SS18L2: variants seen among roughly 807,000 people sequenced by gnomAD.
The protein encoded by SS18L2 is SS18 like 2.
Under a neutral mutation model 10.3 loss-of-function variants are expected in SS18L2, and 8 were observed. The observed-to-expected ratio is 0.78, with a 90% CI of 0.46 to 1.41. The LOEUF (loss-of-function observed/expected upper bound fraction) is 1.41, where lower values mean the gene tolerates loss of function less well. Ranked by LOEUF, SS18L2 falls within the 40% of genes most tolerant of loss-of-function variation. SS18L2 has a pLI of 0.00. For missense variants in SS18L2, 100 were observed against 96.2 expected (o/e 1.04, Z -0.17); for synonymous variants, 41 against 34.6 (o/e 1.19, Z -0.65).
chr3:42,589,982 T>C (rs533281401), upstream of SS18L2, among the ~76,000 whole-genome samples: 82 of 152,318 alleles, frequency 5.4e-4, no homozygotes, highest in African/African-American at 1.9e-3. Context: ...GTGAGAGTTC[T>C]AAAGCCAGGC....
At chr3:42,585,360 G>A (rs1704576692) in intron 1 of SS18L2, among the ~76,000 whole-genome samples, 1 of 152,166 alleles carries the variant, frequency 6.6e-6, no homozygotes, top group African/African-American at 2.4e-5. Flanking sequence ...GTCAACTCCA[G>A]AGTCTTTCTC....
At chr3:42,586,034 C>T (rs1454332893), upstream of SS18L2, among the ~76,000 whole-genome samples, 1 of 152,172 alleles carries the variant, frequency 6.6e-6, no homozygotes, top group Non-Finnish European at 1.5e-5. Context: ...CAACTCCTCT[C>T]CTTCCAGCTA....
At chr3:42,591,324 G>A in intron 1 of SS18L2, 2 of 593,416 alleles carry the variant, frequency 3.4e-6, no homozygotes, top group African/African-American at 3.8e-5. Context: ...TCAGCCTCCT[G>A]AGTAGCTGGG....
Position 42,582,807 on chromosome 3 carries a change from A to G in SS18L2, c.-90+849A>G, listed in dbSNP as rs184627470. On this transcript the variant is annotated intron_variant, in intron 1 of 3. Coordinates refer to the SS18L2 transcript ENST00000447630. ...TTCAGATGGAGAGATTAGCATGTAT[A>G]TAAGAACTCTGTGGAAGGCAGCAGA... 1.1e-4 allele frequency among the ~76,000 whole-genome samples: 17 copies of G among 152,326 alleles called. No individual in the cohort carries two copies. In the East Asian group the frequency reaches 1.9e-3, roughly 17 times the overall value.
At chr3:42,590,761 T>TC, upstream of SS18L2, 1 of 905,144 alleles carries the variant, frequency 1.1e-6, no homozygotes, top group Non-Finnish European at 1.8e-6. Flanking sequence ...AGTATAGCTC[T>TC]TGCGCGTCCA....
chr3:42,586,957 C>T (rs114185497), upstream of SS18L2, among the ~76,000 whole-genome samples: 363 of 152,328 alleles, frequency 2.4e-3, 4 homozygotes, highest in Non-Finnish European at 3.8e-3. Flanking sequence ...TTCTCAGTTG[C>T]TTAACCCAGA....
At chr3:42,593,026 C>CACAACAATAAAAAAAATACAGTATA (rs1161706980) in intron 2 of SS18L2, among the ~76,000 whole-genome samples, 9 of 152,042 alleles carry the variant, frequency 5.9e-5, no homozygotes, top group African/African-American at 1.9e-4. Flanking sequence ...AAAATAGCAA[C>CACAACAATAAAAAAAATACAGTATA]ACAACAATAA....
chr3:42,593,481 G>A (rs1704928262), intron 2 of SS18L2, among the ~76,000 whole-genome samples: 1 of 152,102 alleles, frequency 6.6e-6, no homozygotes. Flanking sequence ...CAAATACTAT[G>A]CCATTTTTTA....
At chr3:42,589,453 A>G (rs1319936849), upstream of SS18L2, among the ~76,000 whole-genome samples, 1 of 152,062 alleles carries the variant, frequency 6.6e-6, no homozygotes, top group Non-Finnish European at 1.5e-5. Flanking sequence ...TCCCTCCTAA[A>G]TGAAGTGGCC....
intron 2 of SS18L2, among the ~76,000 whole-genome samples, chr3:42,591,951 C>T (rs767438710): frequency 1.3e-5 from 2 of 152,134 alleles, no homozygotes; most frequent in Non-Finnish European, 2.9e-5. Flanking sequence ...TCTTGGATCC[C>T]TGCCTCATCC....
upstream of SS18L2, among the ~76,000 whole-genome samples, chr3:42,586,251 A>G (rs1490024256): frequency 6.6e-6 from 1 of 152,030 alleles, no homozygotes; most frequent in Non-Finnish European, 1.5e-5. Flanking sequence ...GTTGAGACAG[A>G]GTCTCGCTCT....
intron 2 of SS18L2, among the ~76,000 whole-genome samples, chr3:42,593,869 G>A (rs1389252891): frequency 6.6e-6 from 1 of 152,204 alleles, no homozygotes; most frequent in Non-Finnish European, 1.5e-5. Context: ...AAGTAAGACA[G>A]AGAAAGCATC....
upstream of SS18L2, among the ~76,000 whole-genome samples, chr3:42,588,190 T>G (rs1704688352): frequency 6.6e-6 from 1 of 151,814 alleles, no homozygotes. Context: ...GATCATGAGG[T>G]CAGGAGTTCA....
upstream of SS18L2, among the ~76,000 whole-genome samples, chr3:42,587,146 C>T (rs574716314): frequency 5.9e-5 from 9 of 152,302 alleles, no homozygotes; most frequent in East Asian, 1.4e-3. Flanking sequence ...CTCATCTGGG[C>T]GTCTTCCCTA....
rs1217074934 is a variant in SS18L2, at chr3:42,596,664, A to C, written c.*2155A>C. Among the ~76,000 whole-genome samples, 2 of 152,234 alleles carry C rather than the reference A, an allele frequency of 1.3e-5. No homozygotes were observed. The highest frequency in any genetic ancestry group is 1.3e-4 in the Admixed American group (2 of 15,280). On this transcript the variant is annotated 3_prime_UTR_variant, in exon 3 of 3. Coordinates refer to ENST00000011691, the MANE Select transcript of SS18L2 (RefSeq NM_001370300.1). ...ATCACAGACCAAATTGCATACTTTT[A>C]TCTTCGAATCATCTAAAATATAATT... is the stretch of plus-strand genomic sequence containing the variant.
chr3:42,590,992 CG>C, intron 1 of SS18L2, 26 bp downstream of exon 1: 1 of 73,558 alleles, frequency 1.4e-5, no homozygotes, highest in Non-Finnish European at 2.2e-5. Flanking sequence ...GGCGGGCGGG[CG>C]GGCGGAGAGA....
At chr3:42,585,767 G>A (rs1478914244) in intron 1 of SS18L2, among the ~76,000 whole-genome samples, 1 of 152,160 alleles carries the variant, frequency 6.6e-6, no homozygotes, top group African/African-American at 2.4e-5. Context: ...GGCTCTAAGT[G>A]CTGCTGGACA....
chr3:42,585,425 G>A (rs1320888191), intron 1 of SS18L2, among the ~76,000 whole-genome samples: 1 of 152,182 alleles, frequency 6.6e-6, no homozygotes, highest in African/African-American at 2.4e-5. Flanking sequence ...CCACAGAAGA[G>A]CTCCACCTCT....
intron 2 of SS18L2, among the ~76,000 whole-genome samples, chr3:42,592,166 G>C (rs753869379): frequency 2.6e-5 from 4 of 151,930 alleles, no homozygotes; most frequent in African/African-American, 9.7e-5. Context: ...TCTCTTTTCC[G>C]AATCTAGTCC....
Sources: gnomAD v4.1 joint callset for allele counts (sites outside exome capture counted in the v4.1 genomes callset) on GRCh38, gnomAD v4.1.1 for gene constraint, MANE v1.5 for transcripts, NCBI Gene and HGNC (gene_info 2026-07-23, HGNC 2026-07-21) for gene names.